SLIT2: variants seen among roughly 807,000 people sequenced by gnomAD.
SLIT2 encodes the protein slit homolog 2 protein.
A neutral mutation model predicts 185.7 loss-of-function variants in SLIT2; 41 were observed. The observed-to-expected ratio is 0.22, with a 90% CI of 0.17 to 0.29. The LOEUF is 0.29. SLIT2 is among the 10% of genes least tolerant of loss of function. SLIT2 has a pLI of 1.00. For synonymous variants in SLIT2, 693 were observed against 680.2 expected (o/e 1.02, Z -0.29); for missense variants, 1,571 against 1,909.0 (o/e 0.82, Z 3.30).
intron 4 of SLIT2, among the ~76,000 whole-genome samples, chr4:20,303,694 G>C (rs1431745604): frequency 6.6e-6 from 1 of 152,184 alleles, no homozygotes; most frequent in Non-Finnish European, 1.5e-5. Context: ...TAGGATCACC[G>C]TCTGTGTAGA....
At chr4:20,315,495 A>G (rs549836764) in intron 4 of SLIT2, among the ~76,000 whole-genome samples, 1 of 152,232 alleles carries the variant, frequency 6.6e-6, no homozygotes, top group Admixed American at 6.5e-5. Flanking sequence ...ATACTTTATG[A>G]ACATAGAGAA....
chr4:20,290,430 A>G (rs1448086092), intron 4 of SLIT2, among the ~76,000 whole-genome samples: 1 of 152,234 alleles, frequency 6.6e-6, no homozygotes, highest in Non-Finnish European at 1.5e-5. Context: ...TAAGTAGTTT[A>G]GAGATAATTT....
At chr4:20,585,037 A>G (rs928126470) in intron 29 of SLIT2, among the ~76,000 whole-genome samples, 2 of 152,170 alleles carry the variant, frequency 1.3e-5, no homozygotes, top group African/African-American at 4.8e-5. Flanking sequence ...CCTGACTGAC[A>G]GAGCAAGACT....
intron 3 of SLIT2, among the ~76,000 whole-genome samples, chr4:20,262,219 A>AT (rs145061334): frequency 6.6e-6 from 1 of 151,658 alleles, no homozygotes; most frequent in East Asian, 1.9e-4. Flanking sequence ...AGACAAATTT[A>AT]TTTTTTTTAA....
intron 9 of SLIT2, among the ~76,000 whole-genome samples, chr4:20,502,382 A>G (rs574160118): frequency 9.8e-5 from 15 of 152,340 alleles, no homozygotes; most frequent in African/African-American, 2.9e-4. Flanking sequence ...ACTTCTACAT[A>G]CTCAACAAAG....
At chr4:20,383,762 G>T (rs930857854) in intron 4 of SLIT2, among the ~76,000 whole-genome samples, 3 of 152,058 alleles carry the variant, frequency 2.0e-5, no homozygotes, top group African/African-American at 7.2e-5. Context: ...GAGTACAGTG[G>T]CACAATCTCG....
At chr4:20,534,154 A>G (rs955927471) in intron 18 of SLIT2, among the ~76,000 whole-genome samples, 1 of 152,066 alleles carries the variant, frequency 6.6e-6, no homozygotes, top group Non-Finnish European at 1.5e-5. Context: ...ACACCTCTCT[A>G]TACTATACTT....
At position 20,549,140 on chromosome 4, in the gene SLIT2, G is replaced by C; in HGVS notation, c.2489+12G>C. ...TCTCTTCGATTACTGTAAGCATCTT[G>C]TGTTCAACAGAATATCTCTTTTCTC... is the stretch of plus-strand genomic sequence containing the variant. On this transcript the variant is annotated intron_variant, in intron 24 of 36. Transcript: ENST00000504154. 6.7e-7 allele frequency: 1 copy of C among 1,502,232 alleles called. No individual in the cohort carries two copies. 93.1% of individuals were successfully genotyped at this position (1,502,232 alleles called of 1,614,324 possible). A position where few individuals can be genotyped will look rare whatever the true frequency, so the allele number is the denominator to read the frequency against.
At chr4:20,482,204 A>G (rs1716768138) in intron 6 of SLIT2, among the ~76,000 whole-genome samples, 2 of 151,966 alleles carry the variant, frequency 1.3e-5, no homozygotes, top group Non-Finnish European at 2.9e-5. Context: ...TCAAGCCAAA[A>G]ATGTATTATT....
intron 29 of SLIT2, among the ~76,000 whole-genome samples, chr4:20,570,029 T>G (rs1280253045): frequency 2.0e-5 from 3 of 152,246 alleles, no homozygotes; most frequent in Middle Eastern, 3.4e-3. Flanking sequence ...TGAACTTTAC[T>G]AGGTACCTTT....
Position 20,328,272 on chromosome 4 carries a change from A to G in SLIT2, c.395+59391A>G, listed in dbSNP as rs565875474. 4.6e-5 allele frequency among the ~76,000 whole-genome samples: 7 copies of G among 152,248 alleles called. No individual in the cohort carries two copies. In the East Asian group the frequency reaches 7.7e-4, roughly 17 times the overall value. On this transcript the variant is annotated intron_variant, in intron 4 of 36. Coordinates refer to ENST00000504154, the MANE Select transcript of SLIT2 (RefSeq NM_004787.4). ...AAACAAGTAATTTGATGAATGACAC[A>G]TAGGAATATTTTGCTAAGGCTTGAA...
intron 4 of SLIT2, among the ~76,000 whole-genome samples, chr4:20,321,901 C>T (rs1024611810): frequency 2.0e-5 from 3 of 152,056 alleles, no homozygotes; most frequent in South Asian, 2.1e-4. Flanking sequence ...GCTTTGGGAC[C>T]GGTAGTGTGA....
intron 29 of SLIT2, among the ~76,000 whole-genome samples, chr4:20,574,901 ACTTACT>A (rs1450219430): frequency 1.3e-5 from 2 of 151,848 alleles, no homozygotes; most frequent in African/African-American, 2.4e-5. Context: ...GTGTTTGCTG[ACTTACT>A]CTTACAGTGT....
chr4:20,363,013 C>A (rs1244057816), intron 4 of SLIT2, among the ~76,000 whole-genome samples: 2 of 151,878 alleles, frequency 1.3e-5, no homozygotes, highest in South Asian at 4.2e-4. Context: ...GAGACTGAAA[C>A]AATAAGAGCA....
intron 4 of SLIT2, among the ~76,000 whole-genome samples, chr4:20,364,896 T>C (rs1431379065): frequency 1.3e-5 from 2 of 152,270 alleles, no homozygotes; most frequent in African/African-American, 2.4e-5. Context: ...TTTACTCTTA[T>C]CAATTGACTC....
At chr4:20,402,926 T>A in intron 4 of SLIT2, among the ~76,000 whole-genome samples, 1 of 151,912 alleles carries the variant, frequency 6.6e-6, no homozygotes. Flanking sequence ...AAAAAATAAG[T>A]AATACTATTT....
intron 16 of SLIT2, among the ~76,000 whole-genome samples, chr4:20,529,900 CTGTT>C (rs1382272531): frequency 2.0e-5 from 3 of 151,306 alleles, no homozygotes; most frequent in South Asian, 2.1e-4. Context: ...AGTTCGTTGT[CTGTT>C]TGTTTGTATA....
At chr4:20,444,981 C>T (rs1278387928) in intron 4 of SLIT2, among the ~76,000 whole-genome samples, 29 of 152,140 alleles carry the variant, frequency 1.9e-4, no homozygotes, top group Admixed American at 1.9e-3. Context: ...TAATATCAGA[C>T]CTTTTATTTG....
intron 4 of SLIT2, among the ~76,000 whole-genome samples, chr4:20,409,175 T>G (rs771022189): frequency 6.6e-6 from 1 of 152,156 alleles, no homozygotes; most frequent in African/African-American, 2.4e-5. Context: ...ATCTAGATAT[T>G]AAGCCCAGTA....
Sources: gnomAD v4.1 joint callset for allele counts (sites outside exome capture counted in the v4.1 genomes callset) on GRCh38, gnomAD v4.1.1 for gene constraint, MANE v1.5 for transcripts, NCBI Gene and HGNC (gene_info 2026-07-23, HGNC 2026-07-21) for gene names.